Variants in AKT3 observed in about 807,000 individuals in gnomAD.
AKT3 encodes AKT serine/threonine kinase 3, also known as RAC-gamma serine/threonine-protein kinase.
A neutral mutation model predicts 65.3 loss-of-function variants in AKT3; 15 were observed. That is an observed-to-expected ratio of 0.23 (90% CI 0.15 to 0.35). The LOEUF is 0.35. Ranked by LOEUF, AKT3 falls within the 10% of genes least tolerant of loss-of-function variation. AKT3 has a pLI of 1.00. For missense variants in AKT3, 243 were observed against 576.5 expected (o/e 0.42, Z 5.92); for synonymous variants, 206 against 183.8 (o/e 1.12, Z -0.98).
upstream of AKT3, among the ~76,000 whole-genome samples, chr1:243,850,850 A>G (rs984550251): frequency 4.0e-5 from 6 of 151,728 alleles, no homozygotes; most frequent in Non-Finnish European, 8.8e-5. Flanking sequence ...CCCGGGCGGG[A>G]AGTTCTGGGT....
intron 2 of AKT3, among the ~76,000 whole-genome samples, chr1:243,820,707 T>C (rs1193190480): frequency 1.3e-5 from 2 of 151,940 alleles, no homozygotes; most frequent in African/African-American, 4.8e-5. Flanking sequence ...TTTCAGAGCT[T>C]GAAGACTATC....
intron 4 of AKT3, among the ~76,000 whole-genome samples, chr1:243,651,798 G>A (rs1471064894): frequency 6.6e-6 from 1 of 151,848 alleles, no homozygotes; most frequent in Non-Finnish European, 1.5e-5. Context: ...CAGTTTGCCA[G>A]TATTTTACTG....
chr1:243,773,208 AT>A (rs59997394), intron 2 of AKT3, among the ~76,000 whole-genome samples: 3,332 of 132,630 alleles, frequency 0.025, 114 homozygotes, highest in African/African-American at 0.085. Context: ...TATATAAAAA[AT>A]ATATATATAT....
chr1:243,509,058 ATC>A (rs1298137057), intron 13 of AKT3, among the ~76,000 whole-genome samples: 4 of 152,186 alleles, frequency 2.6e-5, no homozygotes, highest in Non-Finnish European at 5.9e-5. Flanking sequence ...CTTCCTAGGT[ATC>A]TCTGTCTCAA....
intron 4 of AKT3, among the ~76,000 whole-genome samples, chr1:243,654,113 G>T (rs1681581525): frequency 6.6e-6 from 1 of 151,686 alleles, no homozygotes; most frequent in African/African-American, 2.4e-5. Flanking sequence ...CCTCCAATTA[G>T]CCTGGTAGCC....
chr1:243,760,960 G>GT (rs1490580127), intron 2 of AKT3, among the ~76,000 whole-genome samples: 6 of 152,182 alleles, frequency 3.9e-5, no homozygotes. Flanking sequence ...ACCAGGTTAT[G>GT]TAATTGATCA....
chr1:243,494,015 TGTG>T (rs1204171204), intron 13 of AKT3, among the ~76,000 whole-genome samples: 1 of 152,136 alleles, frequency 6.6e-6, no homozygotes, highest in Non-Finnish European at 1.5e-5. Context: ...CCTAATTTAC[TGTG>T]GTCCTTCCAG....
rs58476990 is a variant in AKT3 at position 243,613,966 on chromosome 1, T to C, written c.628-227A>G. ...TTACAAGAAAAACTAAAATTAAAAT[T>C]TCAAGTAAAAGTAAACTTAATTGCA... On this transcript the variant is annotated intron_variant, in intron 7 of 13. Transcript: ENST00000673466. Among the ~76,000 whole-genome samples the C allele has an allele frequency of 0.01, 1,530 of 152,290 alleles. 29 individuals carry two copies. Among genetic ancestry groups the C allele is most frequent in the African/African-American group, 0.036 (1,477 of 41,574 alleles).
At chr1:243,811,696 A>C (rs912157510) in intron 2 of AKT3, among the ~76,000 whole-genome samples, 3 of 152,228 alleles carry the variant, frequency 2.0e-5, no homozygotes, top group African/African-American at 7.2e-5. Flanking sequence ...GGAACCAAAA[A>C]AGAGCCTGCA....
intron 2 of AKT3, among the ~76,000 whole-genome samples, chr1:243,789,870 T>C (rs1418599571): frequency 1.3e-5 from 2 of 152,274 alleles, no homozygotes; most frequent in Non-Finnish European, 2.9e-5. Flanking sequence ...TGTCCATCTC[T>C]ATCAGAGCTC....
At chr1:243,568,939 T>C (rs1476782451) in intron 9 of AKT3, among the ~76,000 whole-genome samples, 1 of 152,222 alleles carries the variant, frequency 6.6e-6, no homozygotes, top group East Asian at 1.9e-4. Context: ...TATGGTATCA[T>C]TTTAATTAAA....
At chr1:243,677,885 G>A (rs1370614102) in intron 3 of AKT3, among the ~76,000 whole-genome samples, 4 of 152,006 alleles carry the variant, frequency 2.6e-5, no homozygotes, top group Non-Finnish European at 4.4e-5. Flanking sequence ...TCAGGAGTTC[G>A]AGACCAGCCT....
In AKT3 at chr1:243,813,863, T is replaced by G. The variant is rs57595286; in HGVS notation, c.46+29262A>C. Among the ~76,000 whole-genome samples, 1,073 of 152,274 alleles carry G rather than the reference T, an allele frequency of 7.0e-3. 10 individuals are homozygous for G. The highest frequency in any genetic ancestry group is 0.025 in the African/African-American group (1,028 of 41,540). On this transcript the variant is annotated intron_variant, in intron 2 of 13. Transcript: ENST00000673466. ...CTCACACCTGTATTCCCAGCATTTTTGGAGGCCAAGGCAGGAGGATCACTT... is the reference window on the plus strand; with the variant it reads ...CTCACACCTGTATTCCCAGCATTTTGGGAGGCCAAGGCAGGAGGATCACTT...
At chr1:243,807,930 A>G (rs985730821) in intron 2 of AKT3, among the ~76,000 whole-genome samples, 5 of 152,202 alleles carry the variant, frequency 3.3e-5, no homozygotes, top group African/African-American at 1.2e-4. Flanking sequence ...CAGTGTCTGA[A>G]GTGGACCTCC....
At chr1:243,511,953 C>A (rs953033308) in intron 13 of AKT3, among the ~76,000 whole-genome samples, 2 of 152,162 alleles carry the variant, frequency 1.3e-5, no homozygotes, top group Non-Finnish European at 2.9e-5. Context: ...TGGCAAAATT[C>A]TGAAGGTTAT....
chr1:243,686,644 TATATATA>T (rs201572459), intron 3 of AKT3, among the ~76,000 whole-genome samples: 22 of 26,848 alleles, frequency 8.2e-4, no homozygotes, highest in Non-Finnish European at 1.7e-3. Flanking sequence ...TATATATATA[TATATATA>T]TTTTTTTTTT....
At chr1:243,691,852 C>G (rs2148012258) in intron 3 of AKT3, among the ~76,000 whole-genome samples, 1 of 152,298 alleles carries the variant, frequency 6.6e-6, no homozygotes, top group Middle Eastern at 3.4e-3. Context: ...AAGGTTGCAA[C>G]TGAAACCCCA....
chr1:243,715,804 GA>G (rs1031452985), intron 2 of AKT3, among the ~76,000 whole-genome samples: 7 of 151,412 alleles, frequency 4.6e-5, no homozygotes, highest in South Asian at 2.1e-4. Flanking sequence ...TCTTAGTGGA[GA>G]AAAAAAAATT....
At chr1:243,838,766 C>T (rs1209255432) in intron 2 of AKT3, among the ~76,000 whole-genome samples, 1 of 152,064 alleles carries the variant, frequency 6.6e-6, no homozygotes. Flanking sequence ...CTAAATAAAC[C>T]ATTTCATGGA....
Sources: gnomAD v4.1 joint callset for allele counts (sites outside exome capture counted in the v4.1 genomes callset) on GRCh38, gnomAD v4.1.1 for gene constraint, MANE v1.5 for transcripts, NCBI Gene and HGNC (gene_info 2026-07-23, HGNC 2026-07-21) for gene names.